The following RAB7A variants were observed in gnomAD, a reference collection of about 807,000 sequenced individuals.
The protein encoded by RAB7A is RAB7A, member RAS oncogene family.
In RAB7A, 2 loss-of-function variants were observed where a neutral mutation model predicts 24.5. The observed-to-expected ratio is 0.08, with a 90% CI of 0.03 to 0.26. RAB7A has a LOEUF of 0.26. Among genes scored for constraint, RAB7A ranks in the 10% least tolerant of loss-of-function variants. RAB7A has a pLI of 1.00. For missense variants in RAB7A, 118 were observed against 255.7 expected (o/e 0.46, Z 3.67); for synonymous variants, 100 against 95.9 (o/e 1.04, Z -0.25).
intron 1 of RAB7A, among the ~76,000 whole-genome samples, chr3:128,731,328 T>C (rs2070434505): frequency 6.6e-6 from 1 of 152,208 alleles, no homozygotes; most frequent in South Asian, 2.1e-4. Flanking sequence ...TCAGTCAGCC[T>C]ACCAACAGTT....
At chr3:128,793,979 C>A (rs917315063) in intron 1 of RAB7A, among the ~76,000 whole-genome samples, 6 of 152,176 alleles carry the variant, frequency 3.9e-5, no homozygotes, top group African/African-American at 1.4e-4. Context: ...GACTCTGAAG[C>A]CATCGAGGAT....
chr3:128,736,695 T>A (rs540856491), intron 1 of RAB7A, among the ~76,000 whole-genome samples: 24 of 152,216 alleles, frequency 1.6e-4, no homozygotes, highest in African/African-American at 5.5e-4. Context: ...TTTAAAAAAA[T>A]TTAAATACAG....
chr3:128,805,661 C>CT (rs1174803160), intron 3 of RAB7A, among the ~76,000 whole-genome samples: 2 of 151,776 alleles, frequency 1.3e-5, no homozygotes, highest in Admixed American at 6.6e-5. Context: ...AAACTTTTCT[C>CT]TTTTTTTTGA....
intron 1 of RAB7A, among the ~76,000 whole-genome samples, chr3:128,752,624 T>G (rs2070697314): frequency 6.6e-6 from 1 of 152,058 alleles, no homozygotes; most frequent in Non-Finnish European, 1.5e-5. Flanking sequence ...TATTTAGGTG[T>G]TTGTAATTCC....
intron 5 of RAB7A, among the ~76,000 whole-genome samples, chr3:128,811,423 A>T (rs1387902402): frequency 1.3e-5 from 2 of 152,132 alleles, no homozygotes; most frequent in Non-Finnish European, 2.9e-5. Context: ...GTGAATAAAC[A>T]GGGCAGCTTA....
At chr3:128,799,618 ATC>A (rs1933657143) in intron 3 of RAB7A, among the ~76,000 whole-genome samples, 2 of 151,696 alleles carry the variant, frequency 1.3e-5, no homozygotes, top group South Asian at 4.2e-4. Context: ...GCTGGTATGA[ATC>A]TCTCATCCTC....
At chr3:128,777,044 CA>C (rs1317987662) in intron 1 of RAB7A, among the ~76,000 whole-genome samples, 2 of 151,842 alleles carry the variant, frequency 1.3e-5, no homozygotes, top group African/African-American at 4.8e-5. Flanking sequence ...GTCCTTTGCC[CA>C]TTTTAAAAAT....
intron 1 of RAB7A, among the ~76,000 whole-genome samples, chr3:128,741,026 TAAA>T (rs993210071): frequency 6.6e-6 from 1 of 151,668 alleles, no homozygotes. Flanking sequence ...AATTGTATAA[TAAA>T]TGTAGAAAAA....
chr3:128,783,394 C>T (rs1358117499), intron 1 of RAB7A, among the ~76,000 whole-genome samples: 1 of 152,006 alleles, frequency 6.6e-6, no homozygotes, highest in Non-Finnish European at 1.5e-5. Context: ...TCAACACTGC[C>T]TAGACCTCAC....
At chr3:128,727,441 A>G (rs972870174) in intron 1 of RAB7A, among the ~76,000 whole-genome samples, 2 of 152,160 alleles carry the variant, frequency 1.3e-5, no homozygotes, top group East Asian at 1.9e-4. Flanking sequence ...AGTGCCTCCC[A>G]CCACCTCCTT....
chr3:128,810,710 C>T (rs751856755), intron 5 of RAB7A, among the ~76,000 whole-genome samples: 1 of 152,246 alleles, frequency 6.6e-6, no homozygotes, highest in African/African-American at 2.4e-5. Flanking sequence ...ACTCCAAATA[C>T]AGCCACCTGA....
chr3:128,780,901 T>C (rs1236150845), intron 1 of RAB7A, among the ~76,000 whole-genome samples: 1 of 152,206 alleles, frequency 6.6e-6, no homozygotes, highest in Admixed American at 6.5e-5. Flanking sequence ...TTGTTTTTCT[T>C]CTAACAAAGG....
intron 1 of RAB7A, among the ~76,000 whole-genome samples, chr3:128,787,776 T>G (rs1361131276): frequency 1.3e-5 from 2 of 152,236 alleles, no homozygotes; most frequent in Non-Finnish European, 2.9e-5. Context: ...AGTGGAGCGA[T>G]CATAGCTCAC....
At chr3:128,773,413 C>T (rs1307745626) in intron 1 of RAB7A, among the ~76,000 whole-genome samples, 1 of 150,802 alleles carries the variant, frequency 6.6e-6, no homozygotes, top group African/African-American at 2.4e-5. Context: ...CCACCCCGTC[C>T]GGGAGGGAGG....
intron 3 of RAB7A, among the ~76,000 whole-genome samples, chr3:128,802,644 A>G (rs1933724068): frequency 6.7e-6 from 1 of 150,278 alleles, no homozygotes; most frequent in Non-Finnish European, 1.5e-5. Context: ...AGTAGCTGGG[A>G]CTACAGGTGT....
chr3:128,796,662 CT>C (rs1313128047), intron 2 of RAB7A, among the ~76,000 whole-genome samples: 2 of 152,054 alleles, frequency 1.3e-5, no homozygotes, highest in African/African-American at 2.4e-5. Context: ...CCTGCAGAAC[CT>C]TTTTTTGTAT....
At chr3:128,798,201 CTCAGTTAAATTTGAATT>C in intron 3 of RAB7A, 132 bp downstream of exon 3, 1 of 1,226,476 alleles carries the variant, frequency 8.2e-7, no homozygotes. Flanking sequence ...TTGGCTGATA[CTCAGTTAAATTTGAATT>C]TCAGATCAAT....
At chr3:128,753,898 A>G (rs932044019) in intron 1 of RAB7A, among the ~76,000 whole-genome samples, 6 of 152,048 alleles carry the variant, frequency 3.9e-5, no homozygotes, top group African/African-American at 1.2e-4. Flanking sequence ...TTGGGCCTCA[A>G]AAGTGCTGTG....
At chr3:128,754,989 C>G (rs73198815) in intron 1 of RAB7A, among the ~76,000 whole-genome samples, 6,323 of 152,184 alleles carry the variant, frequency 0.042, 178 homozygotes, top group Non-Finnish European at 0.058. Flanking sequence ...GAATATAGTA[C>G]TTGAACAATA....
Sources: gnomAD v4.1 joint callset for allele counts (sites outside exome capture counted in the v4.1 genomes callset) on GRCh38, gnomAD v4.1.1 for gene constraint, MANE v1.5 for transcripts, NCBI Gene and HGNC (gene_info 2026-07-23, HGNC 2026-07-21) for gene names.